TCF7L2: variants seen among roughly 807,000 people sequenced by gnomAD.
TCF7L2 encodes transcription factor 7-like 2.
A neutral mutation model predicts 77.9 loss-of-function variants in TCF7L2; 23 were observed. The ratio of observed to expected loss-of-function variants is 0.30; its 90% confidence interval spans 0.21 to 0.42. The LOEUF is 0.42. Ranked by LOEUF, TCF7L2 falls within the 10% of genes least tolerant of loss-of-function variation. The pLI, the probability that TCF7L2 is intolerant of heterozygous loss-of-function variation, is 1.00. For missense variants in TCF7L2, 654 were observed against 793.1 expected (o/e 0.82, Z 2.11); for synonymous variants, 413 against 340.2 (o/e 1.21, Z -2.36).
At chr10:112,990,635 G>A (rs1244866096) in intron 4 of TCF7L2, among the ~76,000 whole-genome samples, 1 of 152,026 alleles carries the variant, frequency 6.6e-6, no homozygotes, top group Non-Finnish European at 1.5e-5. Flanking sequence ...GAGCTCAGGA[G>A]GTCCAGGCTG....
rs1373691475 is a variant in TCF7L2 at position 113,151,213 on chromosome 10, T to C, written c.1001+90T>C. On this transcript the variant is annotated intron_variant, in intron 9 of 13. Transcript: ENST00000627217. The surrounding 1 kb of genome is among the most constrained non-coding windows in gnomAD (Gnocchi z 5.2). ...CTGGGTGGTGGCTTTCTGCCTAAGG[T>C]TGGCCTCGTTTGGTTTGACTGCAGC... is the stretch of plus-strand genomic sequence containing the variant. 4 of 1,574,280 alleles carry C rather than the reference T, an allele frequency of 2.5e-6. No homozygotes were observed. Among genetic ancestry groups the C allele is most frequent in the East Asian group, 2.2e-5 (1 of 44,598 alleles).
At chr10:112,987,471 C>T (rs2041767867) in intron 4 of TCF7L2, 1 of 143,434 alleles carries the variant, frequency 7.0e-6, no homozygotes, top group African/African-American at 2.5e-5. Flanking sequence ...TCTCCTTTTA[C>T]TACCATAACG....
chr10:113,054,169 C>A (rs1199064547), intron 5 of TCF7L2, among the ~76,000 whole-genome samples: 6 of 152,004 alleles, frequency 3.9e-5, no homozygotes, highest in Non-Finnish European at 8.8e-5. Flanking sequence ...AGAAAGGAAC[C>A]AAAAAAGGGA....
chr10:113,126,563 T>C (rs927216794), intron 5 of TCF7L2: 1 of 798,550 alleles, frequency 1.3e-6, no homozygotes, highest in Non-Finnish European at 1.5e-6. Flanking sequence ...AAGCCCTGCC[T>C]TTTTTTTTTA....
At chr10:112,962,530 C>T (rs1005680344) in intron 3 of TCF7L2, among the ~76,000 whole-genome samples, 1 of 152,170 alleles carries the variant, frequency 6.6e-6, no homozygotes, top group Non-Finnish European at 1.5e-5. Flanking sequence ...GCAGTTTTTA[C>T]ACAAAGGAGA....
chr10:113,164,598 A>T (rs1278821123), intron 13 of TCF7L2, among the ~76,000 whole-genome samples: 1 of 72,952 alleles, frequency 1.4e-5, no homozygotes, highest in Non-Finnish European at 3.0e-5. Context: ...CCAAATCTTA[A>T]AAAAAAAAAA....
At chr10:113,004,811 G>A (rs2045223935) in intron 4 of TCF7L2, among the ~76,000 whole-genome samples, 1 of 151,948 alleles carries the variant, frequency 6.6e-6, no homozygotes, top group Non-Finnish European at 1.5e-5. Context: ...TAGCTGGGAT[G>A]TCAGGCACCC....
intron 5 of TCF7L2, among the ~76,000 whole-genome samples, chr10:113,134,827 G>A (rs1212966871): frequency 6.6e-6 from 1 of 152,150 alleles, no homozygotes; most frequent in African/African-American, 2.4e-5. Context: ...GACCTTCCAT[G>A]CCCACCCTGA....
chr10:113,007,208 G>C (rs1397281716), intron 4 of TCF7L2, among the ~76,000 whole-genome samples: 1 of 152,182 alleles, frequency 6.6e-6, no homozygotes, highest in Non-Finnish European at 1.5e-5. Flanking sequence ...AGGTGTGTGG[G>C]GGCGTGTGAT....
intron 4 of TCF7L2, among the ~76,000 whole-genome samples, chr10:112,983,495 T>TA (rs2040898236): frequency 6.6e-6 from 1 of 151,882 alleles, no homozygotes; most frequent in African/African-American, 2.4e-5. Context: ...ATAAATAAAT[T>TA]AATTAATTAA....
intron 1 of TCF7L2, 78 bp from the exon 2 acceptor site, chr10:112,951,129 C>T: frequency 7.5e-7 from 1 of 1,339,386 alleles, no homozygotes; most frequent in South Asian, 1.3e-5. Flanking sequence ...TCGACCTCGC[C>T]GATTCTTTTT....
chr10:113,141,036 G>A (rs573516497), intron 5 of TCF7L2, 148 bp from the exon 6 acceptor site: 1 of 893,930 alleles, frequency 1.1e-6, no homozygotes, highest in African/African-American at 1.7e-5. Flanking sequence ...ACATGGACTG[G>A]GGGGAGTATG....
chr10:113,107,627 C>G (rs940762725), intron 5 of TCF7L2, among the ~76,000 whole-genome samples: 2 of 151,724 alleles, frequency 1.3e-5, no homozygotes, highest in African/African-American at 4.8e-5. Context: ...CCTGTAGTCC[C>G]AGCTACTTGG....
intron 4 of TCF7L2, among the ~76,000 whole-genome samples, 198 bp downstream of exon 4, chr10:112,964,822 T>TGATGGTGGTGGTGGTGATGG (rs1554875168): frequency 1.4e-5 from 1 of 73,562 alleles, no homozygotes; most frequent in Admixed American, 1.4e-4. Context: ...TGGGGGGGGG[T>TGATGGTGGTGGTGGTGATGG]TGAATCACTG....
intron 5 of TCF7L2, chr10:113,129,839 T>C: frequency 7.8e-7 from 1 of 1,289,006 alleles, no homozygotes; most frequent in Non-Finnish European, 1.0e-6. Context: ...TTTTTAGAGG[T>C]GGAGAGAGGG....
intron 12 of TCF7L2, among the ~76,000 whole-genome samples, chr10:113,159,715 T>C (rs2072724787): frequency 6.6e-6 from 1 of 152,162 alleles, no homozygotes; most frequent in South Asian, 2.1e-4. Context: ...TTTTACTTTT[T>C]TTTTTTTAAT....
At chr10:113,155,590 A>G (rs944559555) in intron 11 of TCF7L2, among the ~76,000 whole-genome samples, 1 of 152,322 alleles carries the variant, frequency 6.6e-6, no homozygotes, top group Non-Finnish European at 1.5e-5. Context: ...CTTTGTGTGT[A>G]GAGGAATTTT....
intron 5 of TCF7L2, among the ~76,000 whole-genome samples, chr10:113,106,550 C>T (rs374074715): frequency 6.6e-6 from 1 of 152,110 alleles, no homozygotes; most frequent in Admixed American, 6.5e-5. Context: ...TGATTTTTCT[C>T]GGATGCCCCG....
rs762645379 is a variant in TCF7L2 at position 113,160,612 on chromosome 10, C to T, written c.1319-7C>T. On this transcript the variant is annotated splice_region_variant and splice_polypyrimidine_tract_variant and intron_variant, in intron 12 of 13. Transcript: ENST00000627217. ...TTGTATTTTTTGTGTTTACCTTATGCTAACAGATGCAAATACTCCAAAGAA... is the reference window on the plus strand; with the variant it reads ...TTGTATTTTTTGTGTTTACCTTATGTTAACAGATGCAAATACTCCAAAGAA... 35 of 1,586,848 alleles carry T rather than the reference C, an allele frequency of 2.2e-5. No individual in the cohort carries two copies. Among genetic ancestry groups the T allele is most frequent in the Non-Finnish European group, 2.9e-5 (34 of 1,165,700 alleles).
Sources: gnomAD v4.1 joint callset for allele counts (sites outside exome capture counted in the v4.1 genomes callset) on GRCh38, gnomAD v4.1.1 for gene constraint, Gnocchi (gnomAD v3.1) non-coding constraint, MANE v1.5 for transcripts, NCBI Gene and HGNC (gene_info 2026-07-23, HGNC 2026-07-21) for gene names.